The following HLCS variants were observed in gnomAD, a reference collection of about 807,000 sequenced individuals.
HLCS encodes the protein biotin--protein ligase.
Under a neutral mutation model 75.0 loss-of-function variants are expected in HLCS, and 53 were observed. The ratio of observed to expected loss-of-function variants is 0.71; its 90% CI spans 0.57 to 0.89. The LOEUF is 0.89. Ranked by LOEUF, HLCS falls within the 40% of genes least tolerant of loss-of-function variation. HLCS has a pLI of 0.00. For missense variants in HLCS, 966 were observed against 1,074.0 expected, an observed-to-expected ratio of 0.90 and a Z score of 1.41; for synonymous variants, 431 against 428.6, an observed-to-expected ratio of 1.01 and a Z score of -0.07.
chr21:36,753,149 CGCACACACGCACGCACACACATATGCGG>C lies in HLCS; in HGVS notation c.*1069_*1096del, dbSNP rs888879673. The C allele has an allele frequency of 3.9e-5, 6 of 152,754 alleles. No homozygotes were observed. Among genetic ancestry groups the C allele is most frequent in the Admixed American group, 1.3e-4 (2 of 15,300 alleles). 9.5% of individuals were successfully genotyped at this position (152,754 alleles called of 1,614,324 possible). On this transcript the variant is annotated 3_prime_UTR_variant, in exon 11 of 11. Coordinates refer to ENST00000674895, the MANE Select transcript of HLCS (RefSeq NM_001352514.2). The surrounding 1 kb of genome is among the most constrained non-coding windows in gnomAD (Gnocchi z 4.3). The stretch of plus-strand genomic sequence containing the variant: ...GAATGTCTTCTTTTAAAGCTATGTG[CGCACACACGCACGCACACACATATGCGG>C]GCACACACACACATCCTCCCTCTGA...
chr21:36,819,794 A>T (rs991281660), intron 6 of HLCS, among the ~76,000 whole-genome samples: 1 of 152,116 alleles, frequency 6.6e-6, no homozygotes, highest in Non-Finnish European at 1.5e-5. Flanking sequence ...TACTCTTTCC[A>T]CTTTCCCATA....
At chr21:36,930,194 C>T in intron 5 of HLCS, 57 bp downstream of exon 5, 2 of 1,448,860 alleles carry the variant, frequency 1.4e-6, no homozygotes, top group African/African-American at 1.4e-5. Flanking sequence ...CAACGGGTCG[C>T]CACTGTGAAG....
At chr21:36,900,537 C>G (rs1333440145) in intron 5 of HLCS, among the ~76,000 whole-genome samples, 2 of 151,978 alleles carry the variant, frequency 1.3e-5, no homozygotes, top group South Asian at 4.1e-4. Context: ...GGCTTTCACT[C>G]GAGGAGCAAC....
intron 2 of HLCS, among the ~76,000 whole-genome samples, chr21:36,950,670 T>A (rs2067630746): frequency 6.6e-6 from 1 of 151,916 alleles, no homozygotes; most frequent in Non-Finnish European, 1.5e-5. Flanking sequence ...AGAGACAGCA[T>A]CTTGCTATGC....
intron 6 of HLCS, among the ~76,000 whole-genome samples, chr21:36,793,901 A>G (rs2060949084): frequency 6.6e-6 from 1 of 152,216 alleles, no homozygotes; most frequent in South Asian, 2.1e-4. Context: ...TCTCATGAAG[A>G]TGCTGCTTCA....
At chr21:36,978,576 C>T (rs1428958074) in intron 1 of HLCS, among the ~76,000 whole-genome samples, 1 of 152,092 alleles carries the variant, frequency 6.6e-6, no homozygotes, top group Non-Finnish European at 1.5e-5. Context: ...TAAACTGCAG[C>T]CTGAGGACTG....
intron 6 of HLCS, chr21:36,804,330 G>A (rs908533931): frequency 2.2e-4 from 34 of 152,382 alleles, no homozygotes; most frequent in African/African-American, 7.0e-4. Flanking sequence ...CTGTTTTGTG[G>A]GTTCTTTGAT....
chr21:36,893,221 C>T (rs1256593837), intron 6 of HLCS, among the ~76,000 whole-genome samples: 1 of 152,084 alleles, frequency 6.6e-6, no homozygotes, highest in East Asian at 1.9e-4. Context: ...CAGGAGTGCA[C>T]CACAACTGCC....
chr21:36,757,007 A>C, intron 9 of HLCS: 1 of 943,186 alleles, frequency 1.1e-6, no homozygotes, highest in Non-Finnish European at 1.3e-6. Flanking sequence ...GGGAAAAAAG[A>C]AAGCCACATT....
At chr21:36,964,202 G>C (rs989063635) in intron 1 of HLCS, among the ~76,000 whole-genome samples, 1 of 152,242 alleles carries the variant, frequency 6.6e-6, no homozygotes, top group South Asian at 2.1e-4. Flanking sequence ...TCCAGCCTGG[G>C]TGACAGAATG....
intron 2 of HLCS, among the ~76,000 whole-genome samples, chr21:36,954,039 C>G (rs2146618109): frequency 6.6e-6 from 1 of 152,310 alleles, no homozygotes; most frequent in East Asian, 1.9e-4. Context: ...GACGCAGTGG[C>G]TGATGCCTGT....
intron 5 of HLCS, among the ~76,000 whole-genome samples, chr21:36,906,469 C>G (rs201535358): frequency 6.6e-6 from 1 of 152,138 alleles, no homozygotes; most frequent in East Asian, 1.9e-4. Flanking sequence ...AGGAGCTAGG[C>G]TGCAACAAGC....
At position 36,756,436 on chromosome 21, in the gene HLCS, G is replaced by A. The variant is rs551620897; in HGVS notation, c.2450+106C>T. 9 of 714,586 alleles carry A rather than the reference G, an allele frequency of 1.3e-5. No homozygotes were observed. In the Admixed American group the frequency reaches 1.6e-4, roughly 13 times the overall value. 44.3% of individuals were successfully genotyped at this position (714,586 alleles called of 1,614,324 possible). A position where few individuals can be genotyped will look rare whatever the true frequency, so the allele number is the denominator to read the frequency against. ...ACTGCACTCCAGCCTGGGCGACAGA[G>A]TGAGACTCCGTCTCAAAAAAAAAAA... On this transcript the variant is annotated intron_variant, in intron 10 of 10. Coordinates refer to ENST00000674895, the MANE Select transcript of HLCS (RefSeq NM_001352514.2).
At position 36,752,129 on chromosome 21, in the gene HLCS, G is replaced by T. The variant is rs1264379204; in HGVS notation, c.*2117C>A. On this transcript the variant is annotated 3_prime_UTR_variant, in exon 11 of 11. Transcript: ENST00000674895. Reference sequence around the variant, plus strand: ...CTTTGGTTCATGTGAGGCAAAATCAGGTTTATGGAAAACGCAGCATCTGCT... The same window carrying T: ...CTTTGGTTCATGTGAGGCAAAATCATGTTTATGGAAAACGCAGCATCTGCT... 6.6e-6 allele frequency: 1 copy of T among 152,618 alleles called. No homozygotes were observed. Among genetic ancestry groups the T allele is most frequent in the Non-Finnish European group, 1.5e-5 (1 of 68,042 alleles). 9.5% of individuals were successfully genotyped at this position (152,618 alleles called of 1,614,324 possible).
At chr21:36,899,461 T>A (rs191326491) in intron 5 of HLCS, among the ~76,000 whole-genome samples, 12 of 152,036 alleles carry the variant, frequency 7.9e-5, no homozygotes, top group Admixed American at 2.6e-4. Context: ...CCGTCTCTAA[T>A]AAAAATACAA....
intron 9 of HLCS, 106 bp downstream of exon 9, chr21:36,759,621 C>T: frequency 1.4e-6 from 1 of 736,354 alleles, no homozygotes; most frequent in South Asian, 1.5e-5. Flanking sequence ...CTCAAAGTAA[C>T]CTCATATGAT....
At chr21:36,831,168 A>AT (rs887761451) in intron 6 of HLCS, among the ~76,000 whole-genome samples, 78 of 152,072 alleles carry the variant, frequency 5.1e-4, no homozygotes, top group Non-Finnish European at 3.8e-4. Flanking sequence ...GCTCCAATCT[A>AT]TTTTTTTTAA....
chr21:36,971,003 AAAAG>A (rs749249382), upstream of HLCS, among the ~76,000 whole-genome samples: 3,314 of 138,840 alleles, frequency 0.024, 62 homozygotes, highest in South Asian at 0.054. Context: ...CAAAAAAAAA[AAAAG>A]AAAGAAAAGA....
rs1310923321 is a variant in HLCS at position 36,750,203 on chromosome 21, C to T, written c.*4043G>A. ...CAGGGGAAGAGGAAGCATTTTAATA[C>T]ATATGCCTCTCTTTTACAAAAAAGA... On this transcript the variant is annotated 3_prime_UTR_variant, in exon 11 of 11. Transcript: ENST00000674895. 1.3e-5 allele frequency among the ~76,000 whole-genome samples: 2 copies of T among 152,136 alleles called. No homozygotes were observed. The highest frequency in any genetic ancestry group is 4.8e-5 in the African/African-American group (2 of 41,432).
Sources: allele counts gnomAD v4.1 joint callset (sites outside exome capture counted in the v4.1 genomes callset), GRCh38; gene constraint gnomAD v4.1.1; non-coding constraint Gnocchi (gnomAD v3.1); transcripts MANE v1.5; gene names NCBI Gene and HGNC (gene_info 2026-07-23, HGNC 2026-07-21).